NRXN1: variants seen among roughly 807,000 people sequenced by gnomAD.
NRXN1 encodes the protein neurexin 1, also known as neurexin-1.
NRXN1 carries 39 observed loss-of-function variants against 150.9 expected under a neutral mutation model. The ratio of observed to expected loss-of-function variants is 0.26; its 90% CI spans 0.20 to 0.34. The LOEUF (loss-of-function observed/expected upper bound fraction) is 0.34. NRXN1 is among the 10% of genes least tolerant of loss of function. NRXN1 has a pLI of 1.00. For missense variants in NRXN1, 1,815 were observed against 1,949.9 expected (o/e 0.93, Z 1.30); for synonymous variants, 924 against 757.0 (o/e 1.22, Z -3.62).
At chr2:50,114,470 T>C (rs1050415291) in intron 18 of NRXN1, among the ~76,000 whole-genome samples, 33 of 152,114 alleles carry the variant, frequency 2.2e-4, no homozygotes, top group Non-Finnish European at 2.9e-4. Flanking sequence ...AAATCAAACA[T>C]ACTCTTACTA....
At chr2:50,698,847 TTC>T (rs1311969058) in intron 5 of NRXN1, among the ~76,000 whole-genome samples, 1 of 152,214 alleles carries the variant, frequency 6.6e-6, no homozygotes, top group African/African-American at 2.4e-5. Context: ...GTCTGTCTGT[TTC>T]TCTCTTTCTC....
chr2:50,772,051 T>C lies in NRXN1; in HGVS notation c.833-148436A>G, dbSNP rs570282277. Among the ~76,000 whole-genome samples, 37 of 152,144 alleles carry C rather than the reference T, an allele frequency of 2.4e-4. No individual in the cohort carries two copies. The South Asian group carries it at 7.3e-3, about 30-fold the overall frequency. On this transcript the variant is annotated intron_variant, in intron 5 of 22. Transcript: ENST00000401669. ...ATCTAGTACAGACATGGGCATGCAA[T>C]AGAAATACCAGGTGACTGGAGTACT...
chr2:50,554,339 T>C (rs752947231), intron 8 of NRXN1: 36 of 152,060 alleles, frequency 2.4e-4, no homozygotes, highest in Non-Finnish European at 3.5e-4. Context: ...AACCAAGAGA[T>C]GGCTGATGAG....
intron 21 of NRXN1, among the ~76,000 whole-genome samples, chr2:49,944,149 A>G (rs1672486861): frequency 1.3e-5 from 2 of 152,210 alleles, no homozygotes; most frequent in Admixed American, 6.5e-5. Flanking sequence ...CAATGTATGC[A>G]TCAGTGGGCT....
intron 5 of NRXN1, among the ~76,000 whole-genome samples, chr2:50,911,387 T>G (rs1684499955): frequency 6.6e-6 from 1 of 151,740 alleles, no homozygotes; most frequent in African/African-American, 2.4e-5. Flanking sequence ...TTTATAGTTT[T>G]TTTTTTAAAT....
At chr2:51,027,177 G>T (rs1670627882) in intron 2 of NRXN1, among the ~76,000 whole-genome samples, 2 of 152,184 alleles carry the variant, frequency 1.3e-5, no homozygotes, top group South Asian at 4.1e-4. Flanking sequence ...GTGGGCCGCG[G>T]CCCAATATAG....
intron 21 of NRXN1, among the ~76,000 whole-genome samples, chr2:49,993,371 G>A (rs1682350775): frequency 6.6e-6 from 1 of 152,176 alleles, no homozygotes; most frequent in African/African-American, 2.4e-5. Flanking sequence ...AAACTACAGA[G>A]ACAGTACAAA....
At chr2:50,888,389 C>T (rs1680579146) in intron 5 of NRXN1, among the ~76,000 whole-genome samples, 1 of 151,506 alleles carries the variant, frequency 6.6e-6, no homozygotes, top group African/African-American at 2.4e-5. Flanking sequence ...TCTTATGCCA[C>T]AGCCAGTACT....
chr2:50,160,703 A>C (rs1010101262), intron 18 of NRXN1, among the ~76,000 whole-genome samples: 2 of 152,180 alleles, frequency 1.3e-5, no homozygotes, highest in African/African-American at 4.8e-5. Flanking sequence ...AAGTATTCTT[A>C]GTGGTGCTTG....
chr2:50,166,279 A>ATGTGTGTGTGTGTGTGTGTGTG (rs70946894), intron 18 of NRXN1, among the ~76,000 whole-genome samples: 153 of 131,566 alleles, frequency 1.2e-3, no homozygotes, highest in Non-Finnish European at 1.9e-3. Flanking sequence ...TACTCAACGT[A>ATGTGTGTGTGTGTGTGTGTGTG]TGTGTGTGTG....
At chr2:50,087,914 T>TA (rs1699026271) in intron 19 of NRXN1, among the ~76,000 whole-genome samples, 1 of 152,184 alleles carries the variant, frequency 6.6e-6, no homozygotes, top group South Asian at 2.1e-4. Context: ...TAAAAGCACT[T>TA]ACCACAAAGA....
rs185721470 is a variant in NRXN1, at chr2:50,463,654, T to C, written c.3364+1788A>G. 1.1e-4 allele frequency among the ~76,000 whole-genome samples: 16 copies of C among 151,920 alleles called. No homozygotes were observed. In the East Asian group the frequency reaches 2.7e-3, roughly 26 times the overall value. ...TTCGAAGACAGCATGATACTTATGG[T>C]TGTATCTTGGTGTTTCTTTAGGGAA... On this transcript the variant is annotated intron_variant, in intron 17 of 22. Coordinates refer to ENST00000401669, the MANE Select transcript of NRXN1 (RefSeq NM_001330078.2).
rs1414318245 is a variant in NRXN1, at chr2:50,434,056, T to C, written c.3364+31386A>G. ...GGTATCTAAGCCATTTTTTTTTTTTTTTTTTTTTTTTTTTTTTTGAGACGG... is the reference window on the plus strand; with the variant it reads ...GGTATCTAAGCCATTTTTTTTTTTTCTTTTTTTTTTTTTTTTTTGAGACGG... On this transcript the variant is annotated intron_variant, in intron 17 of 22. Transcript: ENST00000401669. Among the ~76,000 whole-genome samples the C allele has an allele frequency of 7.5e-4, 100 of 133,030 alleles. 2 individuals carry two copies. The highest frequency in any genetic ancestry group is 2.8e-3 in the African/African-American group (98 of 34,602). The allele number at this position is 133,030 out of a possible 152,430, so 87.3% of individuals were successfully genotyped here.
At chr2:50,453,501 G>GT (rs1450122452) in intron 17 of NRXN1, among the ~76,000 whole-genome samples, 1 of 152,016 alleles carries the variant, frequency 6.6e-6, no homozygotes, top group African/African-American at 2.4e-5. Context: ...AATTTGTTCT[G>GT]TTTCTGATGT....
intron 5 of NRXN1, among the ~76,000 whole-genome samples, chr2:50,890,825 G>A (rs1464813038): frequency 1.3e-5 from 2 of 151,738 alleles, no homozygotes; most frequent in African/African-American, 4.8e-5. Flanking sequence ...TGAAACAACT[G>A]TATTTGTTTT....
intron 21 of NRXN1, among the ~76,000 whole-genome samples, chr2:50,001,729 G>A (rs1683962196): frequency 6.6e-6 from 1 of 152,038 alleles, no homozygotes. Context: ...ACATATATAT[G>A]TTTTAGAGCA....
intron 21 of NRXN1, among the ~76,000 whole-genome samples, chr2:49,983,582 G>GA (rs1195637627): frequency 6.6e-6 from 1 of 152,048 alleles, no homozygotes; most frequent in African/African-American, 2.4e-5. Context: ...CTGTGAGTCA[G>GA]ATCTTTGAGT....
At position 50,620,220 on chromosome 2, in the gene NRXN1, T is replaced by G. The variant is rs763425891; in HGVS notation, c.1159-37A>C. 5 of 1,605,990 alleles carry G rather than the reference T, an allele frequency of 3.1e-6. No individual in the cohort carries two copies. The South Asian group carries it at 5.5e-5, about 18-fold the overall frequency. The stretch of plus-strand genomic sequence containing the variant: ...AGCACAGGGAAAGGACACGCTATAC[T>G]CAGACCTAGATACTGTAATCCTGGG... On this transcript the variant is annotated intron_variant, in intron 7 of 22. Coordinates refer to ENST00000401669, the MANE Select transcript of NRXN1 (RefSeq NM_001330078.2).
intron 8 of NRXN1, among the ~76,000 whole-genome samples, chr2:50,556,212 T>A (rs890233872): frequency 1.3e-5 from 2 of 152,180 alleles, no homozygotes; most frequent in Non-Finnish European, 2.9e-5. Flanking sequence ...GACCTACTCT[T>A]AAAATGAACT....
Sources: allele counts gnomAD v4.1 joint callset (sites outside exome capture counted in the v4.1 genomes callset), GRCh38; gene constraint gnomAD v4.1.1; transcripts MANE v1.5; gene names NCBI Gene and HGNC (gene_info 2026-07-23, HGNC 2026-07-21).